FRMD6: variants seen among roughly 807,000 people sequenced by gnomAD.
FRMD6 encodes FERM domain-containing protein 6.
A neutral mutation model predicts 73.2 loss-of-function variants in FRMD6; 37 were observed. That is an observed-to-expected ratio of 0.51 (90% CI 0.39 to 0.66). The LOEUF (loss-of-function observed/expected upper bound fraction) is 0.66. Among genes scored for constraint, FRMD6 ranks in the 30% least tolerant of loss-of-function variants. The pLI, the probability that FRMD6 is intolerant of heterozygous loss-of-function variation, is 0.00. For synonymous variants in FRMD6, 273 were observed against 282.2 expected, an observed-to-expected ratio of 0.97 and a Z score of 0.33; for missense variants, 714 against 780.5, an observed-to-expected ratio of 0.91 and a Z score of 1.02.
At chr14:51,628,877 CTTTTTT>C (rs371915919) in intron 2 of FRMD6, among the ~76,000 whole-genome samples, 10 of 95,302 alleles carry the variant, frequency 1.0e-4, no homozygotes, top group Non-Finnish European at 1.7e-4. Context: ...CTTTTCTTTT[CTTTTTT>C]TTTTTTTTTT....
chr14:51,616,475 C>G (rs1890718486), intron 2 of FRMD6, among the ~76,000 whole-genome samples: 3 of 152,156 alleles, frequency 2.0e-5, no homozygotes, highest in Admixed American at 2.0e-4. Context: ...AGATAAGCCA[C>G]ACAGCTGTGA....
chr14:51,412,231 T>G, the FRMD6 span, among the ~76,000 whole-genome samples: 1 of 152,214 alleles, frequency 6.6e-6, no homozygotes. Flanking sequence ...CCTTGTATTT[T>G]TAACTGTTCT....
chr14:51,601,862 G>A (rs769819387), intron 2 of FRMD6, among the ~76,000 whole-genome samples: 1 of 152,088 alleles, frequency 6.6e-6, no homozygotes, highest in Non-Finnish European at 1.5e-5. Flanking sequence ...CATTTTCTTG[G>A]CAGTTAATAG....
chr14:51,610,435 A>T (rs552352401), intron 2 of FRMD6, among the ~76,000 whole-genome samples: 6 of 152,078 alleles, frequency 3.9e-5, no homozygotes, highest in Middle Eastern at 3.4e-3. Flanking sequence ...CATCTGTTTA[A>T]TTTTTGTATC....
intron 2 of FRMD6, among the ~76,000 whole-genome samples, chr14:51,634,083 A>G (rs973207403): frequency 1.3e-5 from 2 of 152,220 alleles, no homozygotes; most frequent in Non-Finnish European, 2.9e-5. Context: ...GTCCACAAAT[A>G]TGGATTTGTG....
chr14:51,625,427 C>T (rs572601691), intron 2 of FRMD6, among the ~76,000 whole-genome samples: 2 of 151,608 alleles, frequency 1.3e-5, no homozygotes, highest in Non-Finnish European at 1.5e-5. Context: ...CTATATTTGT[C>T]CCATGGCCCT....
At chr14:51,577,947 G>T (rs1596642763) in intron 2 of FRMD6, among the ~76,000 whole-genome samples, 1 of 152,048 alleles carries the variant, frequency 6.6e-6, no homozygotes, top group African/African-American at 2.4e-5. Flanking sequence ...TCTACAACAG[G>T]CATTATACCA....
intron 2 of FRMD6, among the ~76,000 whole-genome samples, chr14:51,595,160 T>C (rs1022999144): frequency 1.3e-5 from 2 of 152,144 alleles, no homozygotes; most frequent in Non-Finnish European, 2.9e-5. Context: ...AGTAGATGCT[T>C]AAGCAATGTG....
chr14:51,480,817 G>C, the FRMD6 span, among the ~76,000 whole-genome samples: 2 of 152,140 alleles, frequency 1.3e-5, no homozygotes, highest in African/African-American at 4.8e-5. Flanking sequence ...GCAGTGCCTG[G>C]CAAATATTAG....
At chr14:51,479,571 T>G in the FRMD6 span, among the ~76,000 whole-genome samples, 1 of 152,246 alleles carries the variant, frequency 6.6e-6, no homozygotes, top group Non-Finnish European at 1.5e-5. Context: ...TTTCTTCATC[T>G]GCAAAACAGG....
At chr14:51,468,344 T>G in the FRMD6 span, among the ~76,000 whole-genome samples, 1 of 150,434 alleles carries the variant, frequency 6.6e-6, no homozygotes, top group African/African-American at 2.5e-5. Context: ...AGGGAGCAGA[T>G]TTATTCCTAT....
intron 2 of FRMD6, among the ~76,000 whole-genome samples, chr14:51,619,844 AAGTT>A (rs1370957098): frequency 6.6e-6 from 1 of 152,194 alleles, no homozygotes; most frequent in Non-Finnish European, 1.5e-5. Flanking sequence ...TGAGAAAAAA[AAGTT>A]AGAAGTTGAA....
intron 2 of FRMD6, among the ~76,000 whole-genome samples, chr14:51,596,026 A>G (rs1442656653): frequency 6.6e-6 from 1 of 152,156 alleles, no homozygotes; most frequent in African/African-American, 2.4e-5. Context: ...TTCTATAGTT[A>G]TGAAATATTA....
chr14:51,686,240 C>T (rs139363159), intron 1 of FRMD6, among the ~76,000 whole-genome samples: 38 of 152,156 alleles, frequency 2.5e-4, no homozygotes, highest in South Asian at 6.2e-4. Context: ...TATACCACAC[C>T]GGCACCCAGT....
intron 1 of FRMD6, among the ~76,000 whole-genome samples, chr14:51,508,257 G>C (rs1288223433): frequency 2.0e-5 from 3 of 152,088 alleles, no homozygotes; most frequent in Non-Finnish European, 4.4e-5. Context: ...CCCTCCTCTC[G>C]GCTGCCCATA....
chr14:51,710,411 G>A (rs1447255390), intron 7 of FRMD6, among the ~76,000 whole-genome samples: 1 of 152,086 alleles, frequency 6.6e-6, no homozygotes, highest in Non-Finnish European at 1.5e-5. Flanking sequence ...CCGTATACTT[G>A]AAAACCAGCA....
chr14:51,725,940 T>C, intron 13 of FRMD6, 70 bp downstream of exon 13: 1 of 1,078,456 alleles, frequency 9.3e-7, no homozygotes, highest in Non-Finnish European at 1.4e-6. Context: ...GTAACTTACA[T>C]TTATACAAAT....
At chr14:51,702,743 G>A (rs1445639447) in intron 5 of FRMD6, among the ~76,000 whole-genome samples, 155 bp downstream of exon 5, 4 of 151,594 alleles carry the variant, frequency 2.6e-5, no homozygotes, top group South Asian at 4.2e-4. Flanking sequence ...TATTTTGTAC[G>A]CTGGTATATC....
At chr14:51,617,281 G>A (rs1890752642) in intron 2 of FRMD6, among the ~76,000 whole-genome samples, 1 of 152,168 alleles carries the variant, frequency 6.6e-6, no homozygotes, top group African/African-American at 2.4e-5. Flanking sequence ...CTCTGTCAGA[G>A]ATTTTACTAC....
Sources: gnomAD v4.1 joint callset for allele counts (sites outside exome capture counted in the v4.1 genomes callset) on GRCh38, gnomAD v4.1.1 for gene constraint, MANE v1.5 for transcripts, NCBI Gene and HGNC (gene_info 2026-07-23, HGNC 2026-07-21) for gene names.